Variants in SH3BP4 observed in about 807,000 individuals in gnomAD.
The protein encoded by SH3BP4 is SH3 domain binding protein 4.
A neutral mutation model predicts 65.5 loss-of-function variants in SH3BP4; 33 were observed. That is an observed-to-expected ratio of 0.50 (90% CI 0.38 to 0.67). The LOEUF is 0.67. Among genes scored for constraint, SH3BP4 ranks in the 30% least tolerant of loss-of-function variants. The pLI, the probability that SH3BP4 is intolerant of heterozygous loss-of-function variation, is 0.00. For missense variants in SH3BP4, 1,134 were observed against 1,261.4 expected (o/e 0.90, Z 1.53); for synonymous variants, 552 against 545.5 (o/e 1.01, Z -0.17).
chr2:234,991,784 C>T lies in SH3BP4; in HGVS notation c.-206-3519C>T, dbSNP rs1259632967. Among the ~76,000 whole-genome samples the T allele has an allele frequency of 3.3e-5, 5 of 150,580 alleles. No individual in the cohort carries two copies. In the East Asian group the frequency reaches 9.7e-4, roughly 29 times the overall value. On this transcript the variant is annotated intron_variant, in intron 1 of 5. Transcript: ENST00000392011. The surrounding 1 kb of genome is among the most constrained non-coding windows in gnomAD (Gnocchi z 4.2). ...GGCCAGCGGTCTTGTCCACTGAATC[C>T]ATCCACTGGGACCTCCCGGACATGA... is the stretch of plus-strand genomic sequence containing the variant.
chr2:234,993,779 A>T (rs565895327), intron 1 of SH3BP4, among the ~76,000 whole-genome samples: 11 of 152,340 alleles, frequency 7.2e-5, no homozygotes, highest in African/African-American at 2.6e-4. Context: ...CCCATTTCAA[A>T]GGAGAGGGAT....
chr2:235,002,419 T>A (rs2106284627), intron 2 of SH3BP4, among the ~76,000 whole-genome samples: 1 of 152,284 alleles, frequency 6.6e-6, no homozygotes, highest in African/African-American at 2.4e-5. Flanking sequence ...AACTTGTGCC[T>A]CAGAGAAGCT....
At chr2:234,958,787 G>A (rs1342901645) in intron 1 of SH3BP4, among the ~76,000 whole-genome samples, 1 of 152,074 alleles carries the variant, frequency 6.6e-6, no homozygotes, top group African/African-American at 2.4e-5. Flanking sequence ...CTGGAACCCT[G>A]TCACTGTGGT....
chr2:235,005,761 C>T (rs897108185), intron 2 of SH3BP4, among the ~76,000 whole-genome samples: 9 of 152,222 alleles, frequency 5.9e-5, no homozygotes, highest in African/African-American at 2.2e-4. Flanking sequence ...GTTTCACACA[C>T]ATCTTACAAA....
In SH3BP4 at chr2:234,987,112, G is replaced by A. The variant is rs538524566; in HGVS notation, c.-206-8191G>A. Reference sequence around the variant, plus strand: ...GAGGCAGCATCAACATCAGCTGGGAGCATGTTAGAAATGCACATTCTCAGG... The same window carrying A: ...GAGGCAGCATCAACATCAGCTGGGAACATGTTAGAAATGCACATTCTCAGG... On this transcript the variant is annotated intron_variant, in intron 1 of 5. Coordinates refer to ENST00000392011, the MANE Select transcript of SH3BP4 (RefSeq NM_014521.3). Among the ~76,000 whole-genome samples the A allele has an allele frequency of 1.1e-4, 17 of 152,260 alleles. No individual in the cohort carries two copies. The East Asian group carries it at 3.3e-3, about 29-fold the overall frequency.
intron 2 of SH3BP4, among the ~76,000 whole-genome samples, chr2:235,023,798 G>T (rs897828113): frequency 3.3e-5 from 5 of 152,060 alleles, no homozygotes; most frequent in Non-Finnish European, 7.4e-5. Flanking sequence ...ATATTATGTT[G>T]TATGGATTTT....
intron 1 of SH3BP4, among the ~76,000 whole-genome samples, chr2:234,980,562 C>CTT (rs1288712632): frequency 6.6e-6 from 1 of 152,180 alleles, no homozygotes; most frequent in Non-Finnish European, 1.5e-5. Flanking sequence ...CTATCAAAAA[C>CTT]CACACTTGCT....
chr2:235,002,468 C>T (rs1463359772), intron 2 of SH3BP4, among the ~76,000 whole-genome samples: 1 of 152,108 alleles, frequency 6.6e-6, no homozygotes, highest in Non-Finnish European at 1.5e-5. Context: ...TGCGGTGGCT[C>T]ATGACTGTAA....
rs1695303163 is a variant in SH3BP4, at chr2:235,034,393, G to A, written c.-132-478G>A. ...GCATCACCCTTGGGGCCTCTGCTGG[G>A]CTGTGTTCATTGATGGCTGCTTCCC... On this transcript the variant is annotated intron_variant, in intron 2 of 5. Transcript: ENST00000392011. This position sits in a 1 kb window ranked among gnomAD's most constrained non-coding sequence, Gnocchi z 6.2. 2.6e-5 allele frequency among the ~76,000 whole-genome samples: 4 copies of A among 152,148 alleles called. No individual in the cohort carries two copies. The highest frequency in any genetic ancestry group is 2.0e-4 in the Admixed American group (3 of 15,276).
chr2:234,984,076 C>T (rs145171831), intron 1 of SH3BP4, among the ~76,000 whole-genome samples: 345 of 152,332 alleles, frequency 2.3e-3, no homozygotes, highest in African/African-American at 7.8e-3. Context: ...CCTGCTGACA[C>T]GTGGGCTGGG....
At position 235,035,688 on chromosome 2, in the gene SH3BP4, C is replaced by G. The variant is rs1695356553; in HGVS notation, c.118+568C>G. Among the ~76,000 whole-genome samples, 1 of 152,184 alleles carries G rather than the reference C, an allele frequency of 6.6e-6. No individual in the cohort carries two copies. Among genetic ancestry groups the G allele is most frequent in the Admixed American group, 6.5e-5 (1 of 15,278 alleles). On this transcript the variant is annotated intron_variant, in intron 3 of 5. Coordinates refer to ENST00000392011, the MANE Select transcript of SH3BP4 (RefSeq NM_014521.3). The surrounding 1 kb of genome is among the most constrained non-coding windows in gnomAD (Gnocchi z 5.0). ...ATTTGGCCCCAGGGCCGTGCTTTAC[C>G]AACCCCTGATCTAGAAGGTGGTTCT...
In SH3BP4 at chr2:234,985,590, G is replaced by A. The variant is rs148230621; in HGVS notation, c.-206-9713G>A. Among the ~76,000 whole-genome samples, 400 of 151,830 alleles carry A rather than the reference G, an allele frequency of 2.6e-3. 2 individuals are homozygous for A. Among genetic ancestry groups the A allele is most frequent in the African/African-American group, 8.5e-3 (352 of 41,450 alleles). ...CTGTGTGCAGGCATTTTGACTCTCCGCGCACAGGTATTTTTGACCCTCTGC... is the reference window on the plus strand; with the variant it reads ...CTGTGTGCAGGCATTTTGACTCTCCACGCACAGGTATTTTTGACCCTCTGC... On this transcript the variant is annotated intron_variant, in intron 1 of 5. Coordinates refer to ENST00000392011, the MANE Select transcript of SH3BP4 (RefSeq NM_014521.3).
chr2:234,970,928 C>T (rs539965485), intron 1 of SH3BP4, among the ~76,000 whole-genome samples: 3 of 152,086 alleles, frequency 2.0e-5, no homozygotes, highest in South Asian at 2.1e-4. Context: ...ATGGCTGCAG[C>T]GTGAGTTACC....
chr2:235,021,400 G>C (rs1277915346), intron 2 of SH3BP4, among the ~76,000 whole-genome samples: 1 of 151,906 alleles, frequency 6.6e-6, no homozygotes, highest in Non-Finnish European at 1.5e-5. Context: ...GATCACTTGA[G>C]GTCAGGAGTT....
chr2:235,041,971 TA>T lies in SH3BP4; in HGVS notation c.1208del (p.Asn403MetfsTer14). On this transcript the variant is annotated frameshift_variant, in exon 4 of 6. Coordinates refer to ENST00000392011, the MANE Select transcript of SH3BP4 (RefSeq NM_014521.3). LOFTEE classifies it high-confidence loss of function. The surrounding 1 kb of genome is among the most constrained non-coding windows in gnomAD (Gnocchi z 6.0). ...IILEMKVSAEIKNDLFSKSTV... is the reference protein window; with the variant it reads ...IILEMKVSAEXKNDLFSKSTV... ...TTGGAGATGAAAGTGTCAGCCGAGA[TA>T]AAAAATGACCTTTTTAGCAAAAGCA... 6.2e-7 allele frequency: 1 copy of T among 1,613,316 alleles called. No homozygotes were observed. The highest frequency in any genetic ancestry group is 1.3e-5 in the African/African-American group (1 of 74,980).
chr2:235,052,941 G>A lies in SH3BP4; in HGVS notation c.2667+191G>A, dbSNP rs111804456. On this transcript the variant is annotated intron_variant, in intron 5 of 5. Transcript: ENST00000392011. This position sits in a 1 kb window ranked among gnomAD's most constrained non-coding sequence, Gnocchi z 5.0. ...GGAGCCATCCTCCGGATTGGTTGTC[G>A]TGAGCCCTGGCTTTAGGATGTCAAG... Among the ~76,000 whole-genome samples, 6 of 152,364 alleles carry A rather than the reference G, an allele frequency of 3.9e-5. No individual in the cohort carries two copies. Among genetic ancestry groups the A allele is most frequent in the East Asian group, 1.9e-4 (1 of 5,186 alleles).
intron 1 of SH3BP4, among the ~76,000 whole-genome samples, chr2:234,958,558 A>G (rs1279484777): frequency 1.3e-5 from 2 of 152,044 alleles, no homozygotes; most frequent in Non-Finnish European, 2.9e-5. Flanking sequence ...TAGAGTGAAG[A>G]GCAGGGGCCA....
chr2:235,006,129 C>T (rs906050451), intron 2 of SH3BP4, among the ~76,000 whole-genome samples: 3 of 152,154 alleles, frequency 2.0e-5, no homozygotes, highest in Non-Finnish European at 4.4e-5. Context: ...CTGCTTTGTA[C>T]CCAGAGCACA....
intron 1 of SH3BP4, among the ~76,000 whole-genome samples, chr2:234,994,146 T>A (rs1485730800): frequency 6.6e-6 from 1 of 152,104 alleles, no homozygotes. Flanking sequence ...CCCTCCCTCT[T>A]CCCCTCCACA....
Sources: allele counts gnomAD v4.1 joint callset (sites outside exome capture counted in the v4.1 genomes callset), GRCh38; gene constraint gnomAD v4.1.1; non-coding constraint Gnocchi (gnomAD v3.1); transcripts MANE v1.5; gene names NCBI Gene and HGNC (gene_info 2026-07-23, HGNC 2026-07-21).